The following GOLGA5 variants were observed in gnomAD, a reference collection of about 807,000 sequenced individuals.
GOLGA5 encodes golgin subfamily A member 5.
GOLGA5 carries 50 observed loss-of-function variants against 93.5 expected under a neutral mutation model. The ratio of observed to expected loss-of-function variants is 0.53; its 90% CI spans 0.43 to 0.68. The LOEUF (loss-of-function observed/expected upper bound fraction) is 0.68. Ranked by LOEUF, GOLGA5 falls within the 30% of genes least tolerant of loss-of-function variation. GOLGA5 has a pLI of 0.00. For missense variants in GOLGA5, 760 were observed against 856.4 expected, an observed-to-expected ratio of 0.89 and a Z score of 1.40; for synonymous variants, 312 against 304.5, an observed-to-expected ratio of 1.02 and a Z score of -0.26.
intron 7 of GOLGA5, among the ~76,000 whole-genome samples, 190 bp from the exon 8 acceptor site, chr14:92,819,518 G>A (rs532981134): frequency 4.6e-5 from 7 of 151,188 alleles, no homozygotes; most frequent in African/African-American, 1.7e-4. Flanking sequence ...CTGTAGTCCC[G>A]CTACTCGGGA....
chr14:92,805,995 A>AAC (rs1192880915), intron 2 of GOLGA5, among the ~76,000 whole-genome samples: 38 of 151,712 alleles, frequency 2.5e-4, no homozygotes, highest in African/African-American at 9.0e-4. Context: ...AAAAAAACAA[A>AAC]AAACCTTGTA....
intron 9 of GOLGA5, 94 bp downstream of exon 9, chr14:92,824,738 A>C: frequency 1.5e-6 from 1 of 664,570 alleles, no homozygotes; most frequent in Non-Finnish European, 2.7e-6. Context: ...CCGTGTTTTC[A>C]CCTGAGTTCT....
intron 8 of GOLGA5, among the ~76,000 whole-genome samples, chr14:92,823,642 T>C (rs1407710917): frequency 6.6e-6 from 1 of 152,070 alleles, no homozygotes; most frequent in African/African-American, 2.4e-5. Flanking sequence ...CTTGAACTCC[T>C]GGACTCAAGC....
At chr14:92,825,433 C>T (rs928029158) in intron 9 of GOLGA5, among the ~76,000 whole-genome samples, 2 of 152,154 alleles carry the variant, frequency 1.3e-5, no homozygotes, top group African/African-American at 4.8e-5. Flanking sequence ...GAAATACTTA[C>T]AGATGGTCAC....
intron 3 of GOLGA5, among the ~76,000 whole-genome samples, chr14:92,808,164 C>T (rs1885029412): frequency 6.6e-6 from 1 of 152,044 alleles, no homozygotes. Context: ...AACCCAGACC[C>T]AGGACCCAGG....
chr14:92,813,486 G>T (rs553369632), intron 6 of GOLGA5, among the ~76,000 whole-genome samples: 1 of 152,342 alleles, frequency 6.6e-6, no homozygotes, highest in South Asian at 2.1e-4. Flanking sequence ...ACTCATGATA[G>T]GGAAGAGATT....
In GOLGA5 at chr14:92,803,040, AT is replaced by A. The variant is rs557417020; in HGVS notation, c.545-3691del. On this transcript the variant is annotated intron_variant, in intron 2 of 12. Coordinates refer to ENST00000163416, the MANE Select transcript of GOLGA5 (RefSeq NM_005113.4). The stretch of plus-strand genomic sequence containing the variant: ...GTTAATTTAATTTTTATTTATTATT[AT>A]TTTTATTATTTTGAGACAGGATCTC... Among the ~76,000 whole-genome samples the A allele has an allele frequency of 1.1e-4, 17 of 152,022 alleles. 1 individual carries two copies. In the South Asian group the frequency reaches 3.1e-3, roughly 28 times the overall value.
intron 8 of GOLGA5, among the ~76,000 whole-genome samples, chr14:92,822,405 T>G (rs536281083): frequency 3.4e-4 from 52 of 152,354 alleles, no homozygotes; most frequent in African/African-American, 1.1e-3. Flanking sequence ...ACTCCTTCTC[T>G]GTTCTACGTT....
intron 9 of GOLGA5, among the ~76,000 whole-genome samples, chr14:92,827,067 A>G (rs1190842856): frequency 6.6e-6 from 1 of 152,240 alleles, no homozygotes; most frequent in Non-Finnish European, 1.5e-5. Context: ...TATATATCTG[A>G]TAAAGGATTT....
intron 11 of GOLGA5, among the ~76,000 whole-genome samples, chr14:92,835,874 T>C (rs904531341): frequency 9.2e-5 from 14 of 152,208 alleles, no homozygotes; most frequent in Non-Finnish European, 2.1e-4. Context: ...TGAAATATCA[T>C]GTCAGAAATT....
At chr14:92,798,636 C>G (rs1884791491) in intron 2 of GOLGA5, among the ~76,000 whole-genome samples, 1 of 152,220 alleles carries the variant, frequency 6.6e-6, no homozygotes, top group Non-Finnish European at 1.5e-5. Context: ...TAGCTATAGG[C>G]TGGGCGTGGT....
Position 92,794,373 on chromosome 14 carries a change from T to G in GOLGA5, c.-114T>G, listed in dbSNP as rs1277150300. ...GGGTCGGGGAGGAGGTTTACTCAGCTTGGGCCCCCTCCGGGCCAGCCGCCG... is the reference window on the plus strand; with the variant it reads ...GGGTCGGGGAGGAGGTTTACTCAGCGTGGGCCCCCTCCGGGCCAGCCGCCG... On this transcript the variant is annotated 5_prime_UTR_variant, in exon 1 of 13. Coordinates refer to ENST00000163416, the MANE Select transcript of GOLGA5 (RefSeq NM_005113.4). 6.6e-6 allele frequency: 1 copy of G among 152,416 alleles called. No homozygotes were observed. Among genetic ancestry groups the G allele is most frequent in the Non-Finnish European group, 1.5e-5 (1 of 68,200 alleles). 9.4% of individuals were successfully genotyped at this position (152,416 alleles called of 1,614,324 possible).
intron 9 of GOLGA5, among the ~76,000 whole-genome samples, chr14:92,826,217 A>C (rs1396901795): frequency 6.6e-6 from 1 of 151,900 alleles, no homozygotes; most frequent in Non-Finnish European, 1.5e-5. Context: ...ATTAGAAGAG[A>C]GCAAAACCTT....
At chr14:92,798,846 G>A (rs1449324562) in intron 2 of GOLGA5, among the ~76,000 whole-genome samples, 3 of 152,210 alleles carry the variant, frequency 2.0e-5, no homozygotes, top group Non-Finnish European at 4.4e-5. Context: ...AGCTCAGGAG[G>A]TCGAGGTTGC....
At chr14:92,799,915 TTTA>T (rs1408867242) in intron 2 of GOLGA5, among the ~76,000 whole-genome samples, 13 of 152,216 alleles carry the variant, frequency 8.5e-5, no homozygotes, top group African/African-American at 2.9e-4. Flanking sequence ...CCAGGGATTC[TTTA>T]TAGAGTTGAT....
intron 7 of GOLGA5, among the ~76,000 whole-genome samples, chr14:92,817,837 C>A (rs1885241224): frequency 6.6e-6 from 1 of 152,162 alleles, no homozygotes; most frequent in South Asian, 2.1e-4. Flanking sequence ...CCACAAGGCA[C>A]TTCATCTTGC....
intron 2 of GOLGA5, among the ~76,000 whole-genome samples, chr14:92,801,393 G>A (rs1371492516): frequency 1.3e-5 from 2 of 152,086 alleles, no homozygotes; most frequent in African/African-American, 4.8e-5. Flanking sequence ...TACTAGTGTG[G>A]TTGAAGATCT....
At chr14:92,807,453 A>G (rs1208871538) in intron 3 of GOLGA5, among the ~76,000 whole-genome samples, 2 of 152,244 alleles carry the variant, frequency 1.3e-5, no homozygotes, top group South Asian at 4.1e-4. Context: ...GGGACCAGTC[A>G]TCCTCCCACC....
At chr14:92,827,598 A>G (rs114913560) in intron 9 of GOLGA5, among the ~76,000 whole-genome samples, 10,096 of 152,274 alleles carry the variant, frequency 0.066, 400 homozygotes, top group Middle Eastern at 0.12. Context: ...TAGGTGTTCA[A>G]GTGAAAGGAA....
Sources: allele counts gnomAD v4.1 joint callset (sites outside exome capture counted in the v4.1 genomes callset), GRCh38; gene constraint gnomAD v4.1.1; transcripts MANE v1.5; gene names NCBI Gene and HGNC (gene_info 2026-07-23, HGNC 2026-07-21).